Variants in SHC4 observed in about 807,000 individuals in gnomAD.
SHC4 encodes the protein SHC-transforming protein 4.
A neutral mutation model predicts 69.4 loss-of-function variants in SHC4; 41 were observed. That is an observed-to-expected ratio of 0.59 (90% CI 0.46 to 0.77). The LOEUF (loss-of-function observed/expected upper bound fraction) is 0.77, where lower values mean the gene tolerates loss of function less well. SHC4 is among the 30% of genes least tolerant of loss of function. SHC4 has a pLI of 0.00. For synonymous variants in SHC4, 318 were observed against 299.3 expected (o/e 1.06, Z -0.64); for missense variants, 777 against 783.8 (o/e 0.99, Z 0.10).
Position 48,846,774 on chromosome 15 carries a change from C to A in SHC4, c.1304-3186G>T, listed in dbSNP as rs75919605. On this transcript the variant is annotated intron_variant, in intron 9 of 11. Transcript: ENST00000332408. Reference sequence around the variant, plus strand: ...ATTGGACAAATATCTGCATGTCTATCCAATCTTCCTTTGTTGGCATATTTA... The same window carrying A: ...ATTGGACAAATATCTGCATGTCTATACAATCTTCCTTTGTTGGCATATTTA... 6.3e-3 allele frequency among the ~76,000 whole-genome samples: 965 copies of A among 152,262 alleles called. 2 individuals carry two copies. Among genetic ancestry groups the A allele is most frequent in the Middle Eastern group, 0.01 (3 of 294 alleles).
At chr15:48,842,776 C>T (rs1484471935) in intron 10 of SHC4, among the ~76,000 whole-genome samples, 1 of 151,936 alleles carries the variant, frequency 6.6e-6, no homozygotes, top group Non-Finnish European at 1.5e-5. Context: ...ACAAAAAATA[C>T]AAAAATTAGC....
At chr15:48,873,758 A>G (rs1243195923) in intron 4 of SHC4, among the ~76,000 whole-genome samples, 1 of 152,174 alleles carries the variant, frequency 6.6e-6, no homozygotes, top group Non-Finnish European at 1.5e-5. Flanking sequence ...AAAACAGAAA[A>G]ATAGCCAATT....
rs539479369 is a variant in SHC4 at position 48,963,751 on chromosome 15, C to G, written c.-736G>C. The stretch of plus-strand genomic sequence containing the variant: ...GATCCCCTCCCAGCCTGCCTACCCT[C>G]GCTCAGAGCTTCCCTCCCTCCTGGA... On this transcript the variant is annotated 5_prime_UTR_variant, in exon 1 of 12. Coordinates refer to ENST00000332408, the MANE Select transcript of SHC4 (RefSeq NM_203349.4). 6.6e-6 allele frequency among the ~76,000 whole-genome samples: 1 copy of G among 152,262 alleles called. No individual in the cohort carries two copies. Among genetic ancestry groups the G allele is most frequent in the African/African-American group, 2.4e-5 (1 of 41,548 alleles).
chr15:48,946,732 G>A (rs1299509677), intron 1 of SHC4: 1 of 250,498 alleles, frequency 4.0e-6, no homozygotes, highest in East Asian at 1.8e-4. Context: ...CCTATCACTG[G>A]ACTAGGCACA....
At chr15:48,916,925 C>T (rs531116740) in intron 2 of SHC4, among the ~76,000 whole-genome samples, 2 of 152,340 alleles carry the variant, frequency 1.3e-5, no homozygotes, top group South Asian at 4.1e-4. Flanking sequence ...GAGGTCCCTT[C>T]TGCCAATGGT....
At chr15:48,878,205 T>A (rs748317757) in intron 4 of SHC4, 14 of 1,576,768 alleles carry the variant, frequency 8.9e-6, no homozygotes, top group Non-Finnish European at 1.2e-5. Context: ...TTGTCCGAGC[T>A]GTATGAAGAG....
At chr15:48,923,544 C>CAAA (rs3075016) in intron 2 of SHC4, among the ~76,000 whole-genome samples, 2 of 93,004 alleles carry the variant, frequency 2.2e-5, no homozygotes, top group African/African-American at 4.3e-5. Flanking sequence ...GACTCTGTCT[C>CAAA]AAAAAAAAAA....
chr15:48,841,643 T>C (rs995083827), intron 10 of SHC4, among the ~76,000 whole-genome samples: 11 of 152,238 alleles, frequency 7.2e-5, no homozygotes, highest in African/African-American at 2.7e-4. Flanking sequence ...TTTTTGGTGT[T>C]GGCTGAGGCT....
chr15:48,870,187 C>T (rs1452380722), intron 5 of SHC4, among the ~76,000 whole-genome samples: 1 of 152,192 alleles, frequency 6.6e-6, no homozygotes, highest in Non-Finnish European at 1.5e-5. Context: ...TCATGGATGA[C>T]TGAGCTAGGG....
At chr15:48,941,095 T>C (rs1374088743) in intron 1 of SHC4, among the ~76,000 whole-genome samples, 1 of 152,152 alleles carries the variant, frequency 6.6e-6, no homozygotes, top group African/African-American at 2.4e-5. Context: ...GATAAAAAAT[T>C]AAATGGCTTA....
At chr15:48,945,172 G>A (rs1308140227) in intron 1 of SHC4, among the ~76,000 whole-genome samples, 1 of 152,158 alleles carries the variant, frequency 6.6e-6, no homozygotes, top group Non-Finnish European at 1.5e-5. Flanking sequence ...AAAGCAAAAA[G>A]TCATAGCTGA....
chr15:48,895,590 C>T (rs1223400819), intron 2 of SHC4, among the ~76,000 whole-genome samples: 1 of 152,140 alleles, frequency 6.6e-6, no homozygotes, highest in African/African-American at 2.4e-5. Context: ...GGCTGGCTGC[C>T]ACCTCCTGGA....
At chr15:48,876,819 C>A (rs1197198673) in intron 4 of SHC4, 1 of 361,546 alleles carries the variant, frequency 2.8e-6, no homozygotes, top group African/African-American at 2.1e-5. Context: ...AAATGTTAAT[C>A]TCCTTTGGCA....
At chr15:48,962,407 G>C in intron 1 of SHC4, 24 bp downstream of exon 1, 1 of 1,512,248 alleles carries the variant, frequency 6.6e-7, no homozygotes, top group Non-Finnish European at 8.8e-7. Context: ...AGTTCTTAGA[G>C]GGCAGAGAGG....
chr15:48,899,939 C>T (rs938232108), intron 2 of SHC4, among the ~76,000 whole-genome samples: 2 of 152,170 alleles, frequency 1.3e-5, no homozygotes, highest in Non-Finnish European at 2.9e-5. Flanking sequence ...AGTTCATGAA[C>T]CACACAGCTG....
Position 48,867,878 on chromosome 15 carries a change from A to G in SHC4, c.895-9T>C. 1 of 1,610,418 alleles carries G rather than the reference A, an allele frequency of 6.2e-7. No homozygotes were observed. Among genetic ancestry groups the G allele is most frequent in the Admixed American group, 1.7e-5 (1 of 59,890 alleles). Reference sequence around the variant, plus strand: ...ACATAGTCTGTAGTATCCTATAAAAAAGGGAAAATGACTGTATTTAAAATG... The same window carrying G: ...ACATAGTCTGTAGTATCCTATAAAAGAGGGAAAATGACTGTATTTAAAATG... On this transcript the variant is annotated splice_polypyrimidine_tract_variant and intron_variant, in intron 5 of 11. Transcript: ENST00000332408.
intron 2 of SHC4, among the ~76,000 whole-genome samples, chr15:48,903,982 T>C (rs1010563920): frequency 6.6e-6 from 1 of 152,186 alleles, no homozygotes; most frequent in African/African-American, 2.4e-5. Context: ...AGAACTACTA[T>C]CTCACACATT....
At chr15:48,879,567 G>T (rs994529994) in intron 4 of SHC4, 1 of 167,026 alleles carries the variant, frequency 6.0e-6, no homozygotes, top group Non-Finnish European at 1.5e-5. Flanking sequence ...GTTTTAACTT[G>T]ACAGATGAAG....
chr15:48,881,408 A>T, intron 4 of SHC4, among the ~76,000 whole-genome samples: 1 of 148,480 alleles, frequency 6.7e-6, no homozygotes. Context: ...ATTCACCTTT[A>T]GATAAGGAAG....
Sources: allele counts gnomAD v4.1 joint callset (sites outside exome capture counted in the v4.1 genomes callset), GRCh38; gene constraint gnomAD v4.1.1; transcripts MANE v1.5; gene names NCBI Gene and HGNC (gene_info 2026-07-23, HGNC 2026-07-21).